Variants in THUMPD2 observed in about 807,000 individuals in gnomAD.
THUMPD2 encodes the protein THUMP domain 2 tRNA and snRNA guanosine methyltransferase.
In THUMPD2, 56 loss-of-function variants were observed where a neutral mutation model predicts 49.4. The observed-to-expected ratio is 1.13, with a 90% CI of 0.91 to 1.41. THUMPD2 has a LOEUF of 1.41. Ranked by LOEUF, THUMPD2 falls within the 40% of genes most tolerant of loss-of-function variation. THUMPD2 has a pLI of 0.00. For missense variants in THUMPD2, 709 were observed against 594.5 expected, an observed-to-expected ratio of 1.19 and a Z score of -2.00; for synonymous variants, 237 against 205.2, an observed-to-expected ratio of 1.15 and a Z score of -1.32.
chr2:39,773,538 AATATATATTTATATTTAAAAAT>A (rs1678618760), intron 1 of THUMPD2, among the ~76,000 whole-genome samples: 1 of 145,792 alleles, frequency 6.9e-6, no homozygotes, highest in Non-Finnish European at 1.5e-5. Context: ...ACATATATAA[AATATATATTTATATTTAAAAAT>A]ATATATATAT....
intron 7 of THUMPD2, 60 bp from the exon 8 acceptor site, chr2:39,755,469 G>T: frequency 8.7e-7 from 1 of 1,143,670 alleles, no homozygotes; most frequent in Non-Finnish European, 1.2e-6. Context: ...ATGTAGTTAA[G>T]AAAATCGACT....
chr2:39,766,412 C>T (rs1677527687), intron 4 of THUMPD2, among the ~76,000 whole-genome samples: 1 of 152,058 alleles, frequency 6.6e-6, no homozygotes, highest in Admixed American at 6.5e-5. Context: ...ATAAGTGGAC[C>T]ACGCTTTTCA....
In THUMPD2 at chr2:39,779,210, G is replaced by C. The variant is rs957566985; in HGVS notation, c.30C>G (p.Ser10=). 3.8e-5 allele frequency: 57 copies of C among 1,506,562 alleles called. No individual in the cohort carries two copies. In the East Asian group the frequency reaches 1.5e-3, roughly 39 times the overall value. 93.3% of individuals were successfully genotyped at this position (1,506,562 alleles called of 1,614,324 possible). A position where few individuals can be genotyped will look rare whatever the true frequency, so the allele number is the denominator to read the frequency against. ...AGAATCGGGCGCCAGCCTCAGGCCC[G>C]GACCCTGGCTCTCCACGCGCCTCCG... MSEARGEPG[S]GPEAGARFFC... The change falls in exon 1 of 10, where the codon TCC becomes TCG. Residue 10 remains serine, a synonymous_variant. Coordinates refer to ENST00000505747, the MANE Select transcript of THUMPD2 (RefSeq NM_025264.5).
intron 1 of THUMPD2, among the ~76,000 whole-genome samples, chr2:39,778,653 T>G (rs1380260136): frequency 6.6e-6 from 1 of 152,228 alleles, no homozygotes; most frequent in Non-Finnish European, 1.5e-5. Context: ...TACTGCGTGT[T>G]TAAAGTGTAC....
chr2:39,772,463 T>C (rs372977696), intron 1 of THUMPD2, among the ~76,000 whole-genome samples: 1 of 152,132 alleles, frequency 6.6e-6, no homozygotes, highest in South Asian at 2.1e-4. Flanking sequence ...AGTAGGTTAC[T>C]AAGGTAGAAA....
At position 39,771,572 on chromosome 2, in the gene THUMPD2, T is replaced by A; in HGVS notation, c.195A>T (p.Lys65Asn). The change falls in exon 2 of 10, where the codon AAA becomes AAT. Residue 65 changes from lysine (K) to asparagine (N), a missense_variant. By Grantham distance (94) the Lys-to-Asn change is moderately conservative. Transcript: ENST00000505747. ...TCAGCAAAAATAATCTTTCTGCAGA[T>A]TTTAATTTCTTCAACATATTCAAAT... ...CSDLNMLKKL[K>N]SAERLFLLIK... 6.2e-7 allele frequency: 1 copy of A among 1,606,842 alleles called. No individual in the cohort carries two copies. The highest frequency in any genetic ancestry group is 8.5e-7 in the Non-Finnish European group (1 of 1,178,022).
Position 39,779,251 on chromosome 2 carries a change from C to A in THUMPD2, c.-12G>T. The stretch of plus-strand genomic sequence containing the variant: ...CGCGCCTCCGACATGGCGGCTCAGG[C>A]GCGCCCTCGCGCCTTCGGGTCACGT... On this transcript the variant is annotated 5_prime_UTR_variant, in exon 1 of 10. Transcript: ENST00000505747. 6.8e-7 allele frequency: 1 copy of A among 1,476,894 alleles called. No individual in the cohort carries two copies. Among genetic ancestry groups the A allele is most frequent in the Non-Finnish European group, 8.9e-7 (1 of 1,122,674 alleles). The allele number at this position is 1,476,894 out of a possible 1,614,324, so 91.5% of individuals were successfully genotyped here.
At chr2:39,750,228 G>A (rs764671680) in intron 8 of THUMPD2, among the ~76,000 whole-genome samples, 3 of 152,182 alleles carry the variant, frequency 2.0e-5, no homozygotes, top group African/African-American at 2.4e-5. Context: ...GTGTAAAGGC[G>A]TTCCCTTTTA....
chr2:39,744,946 A>G (rs1267224571), intron 8 of THUMPD2, among the ~76,000 whole-genome samples: 1 of 152,182 alleles, frequency 6.6e-6, no homozygotes, highest in Admixed American at 6.5e-5. Flanking sequence ...AAGAATATCT[A>G]TTAAGTCCTA....
chr2:39,766,206 G>A (rs1400104133), intron 4 of THUMPD2, 97 bp from the exon 5 acceptor site: 1 of 866,846 alleles, frequency 1.2e-6, no homozygotes, highest in Non-Finnish European at 1.7e-6. Context: ...CATGATCTAT[G>A]TTTTAAAAAG....
chr2:39,765,911 T>TTTA, intron 5 of THUMPD2, 146 bp downstream of exon 5: 2 of 682,534 alleles, frequency 2.9e-6, no homozygotes, highest in Admixed American at 6.4e-5. Context: ...GTGAAAATAC[T>TTTA]TTATTGTCTT....
At chr2:39,773,003 T>G (rs187948635) in intron 1 of THUMPD2, among the ~76,000 whole-genome samples, 1 of 151,968 alleles carries the variant, frequency 6.6e-6, no homozygotes. Flanking sequence ...CTGACCAAAA[T>G]AGATGGAGGA....
chr2:39,755,272 G>C, intron 8 of THUMPD2, 23 bp downstream of exon 8: 1 of 1,364,962 alleles, frequency 7.3e-7, no homozygotes, highest in Non-Finnish European at 1.0e-6. Context: ...TTTCTCAATT[G>C]TTTTGCATTT....
Position 39,736,925 on chromosome 2 carries a change from C to T in THUMPD2, c.1322G>A (p.Cys441Tyr), listed in dbSNP as rs758393546. 3 of 1,614,158 alleles carry T rather than the reference C, an allele frequency of 1.9e-6. No homozygotes were observed. The highest frequency in any genetic ancestry group is 1.6e-4 in the Middle Eastern group (1 of 6,062). ...SHTDEPGIKK[C>Y]LNPEEKTGAF... Reference sequence around the variant, plus strand: ...ACCAGTTTTTTCTTCAGGATTCAAGCACTTTTTAATTCCAGGTTCATCTGT... The same window carrying T: ...ACCAGTTTTTTCTTCAGGATTCAAGTACTTTTTAATTCCAGGTTCATCTGT... Residue 441 changes from cysteine to tyrosine, a missense_variant, in exon 10 of 10, where the codon TGC becomes TAC. By Grantham distance (194) the Cys-to-Tyr change is radical (BLOSUM62 -2). Transcript: ENST00000505747.
chr2:39,769,574 C>A, intron 3 of THUMPD2, 136 bp downstream of exon 3: 3 of 808,722 alleles, frequency 3.7e-6, no homozygotes, highest in Non-Finnish European at 5.4e-6. Flanking sequence ...TGGTGACGCA[C>A]ACCTGTGATC....
intron 3 of THUMPD2, chr2:39,768,719 A>G (rs1300516331): frequency 3.0e-6 from 2 of 673,736 alleles, no homozygotes; most frequent in Non-Finnish European, 4.9e-6. Context: ...CCATGGCATT[A>G]ATGTCTACTC....
At chr2:39,755,082 C>T (rs1675920759) in intron 8 of THUMPD2, among the ~76,000 whole-genome samples, 1 of 151,862 alleles carries the variant, frequency 6.6e-6, no homozygotes, top group Admixed American at 6.6e-5. Context: ...TCATGCTTTA[C>T]ATGCTTACGA....
intron 6 of THUMPD2, among the ~76,000 whole-genome samples, chr2:39,756,850 G>A (rs1056463811): frequency 2.6e-5 from 4 of 151,560 alleles, no homozygotes; most frequent in Admixed American, 1.3e-4. Flanking sequence ...GTCTTTCTCC[G>A]GAGCTCTGTT....
In THUMPD2 at chr2:39,755,563, T is replaced by C. The variant is rs561759720; in HGVS notation, c.964-154A>G. On this transcript the variant is annotated intron_variant, in intron 7 of 9. Transcript: ENST00000505747. ...TTAGGGTATTCTTTTAAAATCATAG[T>C]AGCAAAAAATGTAAAGTTTTTGTTA... Among the ~76,000 whole-genome samples the C allele has an allele frequency of 5.7e-4, 87 of 152,322 alleles. 1 individual carries two copies. The highest frequency in any genetic ancestry group is 1.9e-3 in the African/African-American group (77 of 41,590).
Sources: allele counts gnomAD v4.1 joint callset (sites outside exome capture counted in the v4.1 genomes callset), GRCh38; gene constraint gnomAD v4.1.1; transcripts MANE v1.5; gene names NCBI Gene and HGNC (gene_info 2026-07-23, HGNC 2026-07-21).